FAM222A: variants seen among roughly 807,000 people sequenced by gnomAD.
FAM222A encodes the protein protein FAM222A.
FAM222A carries 7 observed loss-of-function variants against 25.8 expected under a neutral mutation model. That is an observed-to-expected ratio of 0.27 (90% CI 0.15 to 0.51). The LOEUF is 0.51. FAM222A is among the 20% of genes least tolerant of loss of function. The probability of loss-of-function intolerance (pLI) is 0.97; values close to 1 mark genes in which losing one functional copy is unlikely to be tolerated. For synonymous variants in FAM222A, 294 were observed against 298.8 expected (o/e 0.98, Z 0.17); for missense variants, 573 against 640.5 (o/e 0.89, Z 1.14).
chr12:109,768,382 C>T lies in FAM222A; in HGVS notation c.453C>T (p.Pro151=). The T allele has an allele frequency of 6.3e-7, 1 of 1,598,088 alleles. No homozygotes were observed. Among genetic ancestry groups the T allele is most frequent in the Non-Finnish European group, 8.5e-7 (1 of 1,177,302 alleles). Reference sequence around the variant, plus strand: ...TGGGCATTGCGCCCTACCCAGTGCCCAGCACTCTGGGTCCCTTGGCCTACC... The same window carrying T: ...TGGGCATTGCGCCCTACCCAGTGCCTAGCACTCTGGGTCCCTTGGCCTACC... The part of the protein sequence containing the change: ...VQVGIAPYPV[P]STLGPLAYPK... Residue 151 remains proline, a synonymous_variant, in exon 3 of 3, where the codon CCC becomes CCT. Coordinates refer to ENST00000538780, the MANE Select transcript of FAM222A (RefSeq NM_032829.3).
intron 1 of FAM222A, among the ~76,000 whole-genome samples, chr12:109,737,610 T>G (rs1010664706): frequency 6.8e-6 from 1 of 147,052 alleles, no homozygotes; most frequent in African/African-American, 2.5e-5. Flanking sequence ...AAGGTAAAAA[T>G]CCCCTTCTGG....
At chr12:109,734,248 G>C (rs1289421439) in intron 1 of FAM222A, 1 of 151,814 alleles carries the variant, frequency 6.6e-6, no homozygotes, top group Non-Finnish European at 1.5e-5. Context: ...CACTAGGTGA[G>C]CTCTACGCAG....
Position 109,768,971 on chromosome 12 carries a change from C to A in FAM222A, c.1042C>A (p.Pro348Thr). 1 of 1,571,676 alleles carries A rather than the reference C, an allele frequency of 6.4e-7. No individual in the cohort carries two copies. The highest frequency in any genetic ancestry group is 8.6e-7 in the Non-Finnish European group (1 of 1,163,396). ...SFTVGQYFAA[P>T]WNSVLVTPTS... ...CACCGTAGGCCAGTACTTTGCGGCCCCGTGGAACAGTGTGCTGGTGACACC... is the reference window on the plus strand; with the variant it reads ...CACCGTAGGCCAGTACTTTGCGGCCACGTGGAACAGTGTGCTGGTGACACC... The change falls in exon 3 of 3, where the codon CCG becomes ACG. Residue 348 changes from proline to threonine, a missense_variant. Transcript: ENST00000538780.
At chr12:109,725,106 A>G (rs1393073695) in intron 1 of FAM222A, among the ~76,000 whole-genome samples, 1 of 151,976 alleles carries the variant, frequency 6.6e-6, no homozygotes, top group Non-Finnish European at 1.5e-5. Flanking sequence ...GGGCTGAGCA[A>G]CTCCAGCTGG....
At chr12:109,751,243 CTTCT>C (rs1171800321) in intron 2 of FAM222A, among the ~76,000 whole-genome samples, 7 of 149,316 alleles carry the variant, frequency 4.7e-5, no homozygotes, top group African/African-American at 7.5e-5. Context: ...TCTTGTATAT[CTTCT>C]TTGTGTTTTT....
At chr12:109,740,018 C>T (rs1888195509) in intron 1 of FAM222A, among the ~76,000 whole-genome samples, 1 of 152,178 alleles carries the variant, frequency 6.6e-6, no homozygotes, top group African/African-American at 2.4e-5. Flanking sequence ...CCCCCTGCAG[C>T]CAGACAGGCG....
chr12:109,728,851 G>A (rs553742547), intron 1 of FAM222A, among the ~76,000 whole-genome samples: 11 of 152,300 alleles, frequency 7.2e-5, no homozygotes, highest in African/African-American at 1.4e-4. Context: ...AATCAAGTGC[G>A]GGACGCCCAC....
chr12:109,761,484 T>C (rs997681673), intron 2 of FAM222A, among the ~76,000 whole-genome samples: 3 of 152,154 alleles, frequency 2.0e-5, no homozygotes, highest in African/African-American at 7.2e-5. Context: ...CCCCCTGCCA[T>C]CCCATAACCC....
intron 1 of FAM222A, 109 bp from the exon 2 acceptor site, chr12:109,743,992 G>A (rs1246547304): frequency 1.4e-6 from 2 of 1,424,592 alleles, no homozygotes; most frequent in African/African-American, 2.9e-5. Flanking sequence ...TGTCTGCTTT[G>A]AGAGTCTCTG....
chr12:109,769,105 C>G lies in FAM222A; in HGVS notation c.1176C>G (p.Pro392=). ...CTGCAGATGCCCTCTCGGGCCTGCC[C>G]AGCAAGAGTGTGTGCAACACATCGG... is the stretch of plus-strand genomic sequence containing the variant. ...GPPADALSGL[P]SKSVCNTSVL... is the part of the protein sequence containing the mutation. Residue 392 remains proline, a synonymous_variant, in exon 3 of 3, where the codon CCC becomes CCG. Transcript: ENST00000538780. 6.2e-7 allele frequency: 1 copy of G among 1,610,394 alleles called. No homozygotes were observed. Among genetic ancestry groups the G allele is most frequent in the Non-Finnish European group, 8.5e-7 (1 of 1,178,914 alleles).
At chr12:109,735,793 G>T (rs769425877) in intron 1 of FAM222A, 3 of 152,212 alleles carry the variant, frequency 2.0e-5, no homozygotes, top group Middle Eastern at 3.2e-3. Context: ...GTTCAGTATC[G>T]ATTCTCAGAT....
intron 1 of FAM222A, among the ~76,000 whole-genome samples, chr12:109,740,486 G>C (rs1010895460): frequency 6.6e-6 from 1 of 152,158 alleles, no homozygotes; most frequent in African/African-American, 2.4e-5. Context: ...GGCCAGGGGG[G>C]TAATGAGTCC....
At chr12:109,754,167 G>A (rs897047313) in intron 2 of FAM222A, among the ~76,000 whole-genome samples, 21 of 152,180 alleles carry the variant, frequency 1.4e-4, no homozygotes, top group East Asian at 7.7e-4. Context: ...ACAAAGATCC[G>A]AATCACTGCT....
intron 1 of FAM222A, among the ~76,000 whole-genome samples, chr12:109,740,250 C>T (rs971812421): frequency 2.0e-5 from 3 of 152,198 alleles, no homozygotes; most frequent in Admixed American, 1.3e-4. Flanking sequence ...CAGCTGGGGG[C>T]GTTATCTGGT....
At chr12:109,743,620 C>G (rs1235522161) in intron 1 of FAM222A, among the ~76,000 whole-genome samples, 2 of 152,214 alleles carry the variant, frequency 1.3e-5, no homozygotes, top group African/African-American at 4.8e-5. Context: ...GGGAGACAGA[C>G]CAGTACTTCA....
At chr12:109,761,788 C>T (rs1888905121) in intron 2 of FAM222A, among the ~76,000 whole-genome samples, 1 of 152,164 alleles carries the variant, frequency 6.6e-6, no homozygotes, top group South Asian at 2.1e-4. Flanking sequence ...TGGCCCCTTT[C>T]CAGCCAGCAG....
At chr12:109,740,576 G>A (rs1353996027) in intron 1 of FAM222A, among the ~76,000 whole-genome samples, 2 of 152,168 alleles carry the variant, frequency 1.3e-5, no homozygotes, top group African/African-American at 2.4e-5. Flanking sequence ...GTCACAGAAA[G>A]AACATGAGTG....
At chr12:109,739,261 G>A (rs879852543) in intron 1 of FAM222A, among the ~76,000 whole-genome samples, 16 of 152,262 alleles carry the variant, frequency 1.1e-4, no homozygotes, top group Admixed American at 2.0e-4. Context: ...CTGTGGACAC[G>A]AGGGAAAGTT....
intron 1 of FAM222A, among the ~76,000 whole-genome samples, chr12:109,738,749 T>G (rs371244058): frequency 6.6e-6 from 1 of 152,220 alleles, no homozygotes; most frequent in Admixed American, 6.5e-5. Context: ...GTTCAGGGAC[T>G]GCCCCACACC....
Sources: allele counts gnomAD v4.1 joint callset (sites outside exome capture counted in the v4.1 genomes callset), GRCh38; gene constraint gnomAD v4.1.1; transcripts MANE v1.5; gene names NCBI Gene and HGNC (gene_info 2026-07-23, HGNC 2026-07-21).